Variants in PDCD1 observed in about 807,000 individuals in gnomAD.
PDCD1 encodes programmed cell death 1, also known as programmed cell death protein 1.
In PDCD1, 10 loss-of-function variants were observed where a neutral mutation model predicts 23.6. The observed-to-expected ratio is 0.42, with a 90% confidence interval of 0.26 to 0.72. PDCD1 has a LOEUF of 0.72. PDCD1 is among the 30% of genes least tolerant of loss of function. The pLI, the probability that PDCD1 is intolerant of heterozygous loss-of-function variation, is 0.24. For missense variants in PDCD1, 313 were observed against 397.8 expected, an observed-to-expected ratio of 0.79 and a Z score of 1.81; for synonymous variants, 168 against 169.3, an observed-to-expected ratio of 0.99 and a Z score of 0.06.
At chr2:241,856,324 G>A (rs373102179) in intron 1 of PDCD1, among the ~76,000 whole-genome samples, 1 of 152,344 alleles carries the variant, frequency 6.6e-6, no homozygotes, top group South Asian at 2.1e-4. Context: ...GCCCTCAGTC[G>A]GCGAGAGGGC....
At chr2:241,852,007 C>T in intron 3 of PDCD1, 24 bp from the exon 4 acceptor site, 1 of 1,611,250 alleles carries the variant, frequency 6.2e-7, no homozygotes, top group Non-Finnish European at 8.5e-7. Context: ...CACTTGGGGT[C>T]ACCAGGCCGA....
intron 1 of PDCD1, among the ~76,000 whole-genome samples, chr2:241,856,207 A>AC (rs1328220121): frequency 1.3e-5 from 2 of 151,502 alleles, no homozygotes; most frequent in African/African-American, 4.9e-5. Context: ...CCAGCCCCCC[A>AC]CGGCGGGAGG....
chr2:241,852,182 G>T lies in PDCD1; in HGVS notation c.592+16C>A. ...GGGTTAGGGCAGGGCAGGCCGAGGG[G>T]CTGGGATGACGTTACCTCGTGCGGC... On this transcript the variant is annotated intron_variant, in intron 3 of 4. Coordinates refer to ENST00000334409, the MANE Select transcript of PDCD1 (RefSeq NM_005018.3). The T allele has an allele frequency of 1.2e-6, 2 of 1,605,060 alleles. No homozygotes were observed. Among genetic ancestry groups the T allele is most frequent in the Non-Finnish European group, 1.7e-6 (2 of 1,177,590 alleles).
At chr2:241,851,753 C>T (rs55645369) in intron 4 of PDCD1, among the ~76,000 whole-genome samples, 196 bp downstream of exon 4, 1 of 151,790 alleles carries the variant, frequency 6.6e-6, no homozygotes, top group African/African-American at 2.4e-5. Context: ...CGGGCACCCC[C>T]GGAGACCGCA....
intron 1 of PDCD1, among the ~76,000 whole-genome samples, chr2:241,853,512 C>CTGGGCAG (rs1234367500): frequency 1.4e-4 from 21 of 152,280 alleles, no homozygotes; most frequent in Non-Finnish European, 3.1e-4. Context: ...CATTGCTGCC[C>CTGGGCAG]TGGGCAGTGG....
chr2:241,854,000 C>A (rs571869072), intron 1 of PDCD1, among the ~76,000 whole-genome samples: 1 of 152,194 alleles, frequency 6.6e-6, no homozygotes, highest in Non-Finnish European at 1.5e-5. Context: ...CCGTGGCAGG[C>A]GGTGGTGATG....
chr2:241,850,867 G>T lies in PDCD1; in HGVS notation c.*191C>A. The T allele has an allele frequency of 1.5e-6, 1 of 679,402 alleles. No homozygotes were observed. The highest frequency in any genetic ancestry group is 2.5e-6 in the Non-Finnish European group (1 of 403,196). The allele number at this position is 679,402 out of a possible 1,614,324, so 42.1% of individuals were successfully genotyped here. Reference sequence around the variant, plus strand: ...CACCTGCTGCCTGGGCTCACTGTGGGCATTGAGACATGAGTCCTGTGGTGG... The same window carrying T: ...CACCTGCTGCCTGGGCTCACTGTGGTCATTGAGACATGAGTCCTGTGGTGG... On this transcript the variant is annotated 3_prime_UTR_variant, in exon 5 of 5. Transcript: ENST00000334409.
intron 1 of PDCD1, 85 bp downstream of exon 1, chr2:241,858,678 G>T: frequency 8.1e-7 from 1 of 1,232,856 alleles, no homozygotes; most frequent in Non-Finnish European, 1.2e-6. Flanking sequence ...GCCCGCCTCA[G>T]CACCCCCCGA....
At chr2:241,852,064 A>C in intron 3 of PDCD1, 81 bp from the exon 4 acceptor site, 1 of 1,254,964 alleles carries the variant, frequency 8.0e-7, no homozygotes, top group South Asian at 1.3e-5. Flanking sequence ...AGGGGCCTTC[A>C]TCAGGGACTT....
At chr2:241,857,192 T>C (rs41435650) in intron 1 of PDCD1, among the ~76,000 whole-genome samples, 12,976 of 152,200 alleles carry the variant, frequency 0.085, 1,688 homozygotes, top group East Asian at 0.55. Context: ...AAAAGAGGCA[T>C]CCTGGAATGA....
chr2:241,852,229 G>T lies in PDCD1; in HGVS notation c.561C>A (p.Val187=). 1 of 1,610,860 alleles carries T rather than the reference G, an allele frequency of 6.2e-7. No homozygotes were observed. The highest frequency in any genetic ancestry group is 8.5e-7 in the Non-Finnish European group (1 of 1,179,408). The change falls in exon 3 of 5, where the codon GTC becomes GTA. Residue 187 remains valine (V), a synonymous_variant. Transcript: ENST00000334409. The stretch of plus-strand genomic sequence containing the variant: ...CGGCCCGGGAGCAGATGACGGCCAG[G>T]ACCCAGACTAGCAGCACCAGGCTGC... ...LLGSLVLLVW[V]LAVICSRAAR... is the part of the protein sequence containing the mutation.
chr2:241,852,452 T>C, intron 2 of PDCD1, 99 bp from the exon 3 acceptor site: 4 of 1,138,358 alleles, frequency 3.5e-6, no homozygotes, highest in Non-Finnish European at 5.0e-6. Flanking sequence ...CTTCCAGAGC[T>C]AGAGGACAGA....
Position 241,852,201 on chromosome 2 carries a change from G to T in PDCD1, c.589C>A (p.Arg197=), listed in dbSNP as rs1282191832. The T allele has an allele frequency of 1.2e-6, 2 of 1,608,358 alleles. No individual in the cohort carries two copies. The highest frequency in any genetic ancestry group is 2.2e-5 in the East Asian group (1 of 44,672). Residue 197 remains arginine, a synonymous_variant, in exon 3 of 5, where the codon CGA becomes AGA. Coordinates refer to ENST00000334409, the MANE Select transcript of PDCD1 (RefSeq NM_005018.3). The stretch of plus-strand genomic sequence containing the variant: ...CGAGGGGCTGGGATGACGTTACCTC[G>T]TGCGGCCCGGGAGCAGATGACGGCC... ...VLAVICSRAA[R]GTIGARRTGQ... is the part of the protein sequence containing the mutation.
intron 4 of PDCD1, among the ~76,000 whole-genome samples, chr2:241,851,603 AG>A (rs1047279170): frequency 6.6e-6 from 1 of 152,200 alleles, no homozygotes; most frequent in African/African-American, 2.4e-5. Flanking sequence ...ACGCCCTCGC[AG>A]GTGGGCACAC....
chr2:241,857,692 G>C (rs935688769), intron 1 of PDCD1, among the ~76,000 whole-genome samples: 5 of 152,206 alleles, frequency 3.3e-5, no homozygotes, highest in African/African-American at 1.2e-4. Context: ...CTCAGGTGCC[G>C]GGGAGCAGGC....
In PDCD1 at chr2:241,851,216, G is replaced by T. The variant is rs1397792316; in HGVS notation, c.709C>A (p.Pro237Thr). 3 of 1,613,780 alleles carry T rather than the reference G, an allele frequency of 1.9e-6. No individual in the cohort carries two copies. The Admixed American group carries it at 5.0e-5, about 27-fold the overall frequency. ...DFQWREKTPE[P>T]PVPCVPEQTE... ...TGCTCAGGGACACAGGGCACGGGGGGCTCCGGGGTCTTCTCTCGCCACTGG... is the reference window on the plus strand; with the variant it reads ...TGCTCAGGGACACAGGGCACGGGGGTCTCCGGGGTCTTCTCTCGCCACTGG... Residue 237 changes from proline to threonine, a missense_variant, in exon 5 of 5, where the codon CCC (proline) becomes ACC (threonine). By Grantham distance (38) the Pro-to-Thr change is conservative. Around this residue, in one of 3 missense-constraint regions of PDCD1, gnomAD observed 158 missense variants for 177.5 expected, o/e 0.89. Coordinates refer to ENST00000334409, the MANE Select transcript of PDCD1 (RefSeq NM_005018.3).
In PDCD1 at chr2:241,852,231, C is replaced by T; in HGVS notation, c.559G>A (p.Val187Ile). The change falls in exon 3 of 5, where the codon GTC (valine) becomes ATC (isoleucine). Residue 187 changes from valine to isoleucine, a missense_variant. Val to Ile is a conservative substitution (Grantham distance 29). Coordinates refer to ENST00000334409, the MANE Select transcript of PDCD1 (RefSeq NM_005018.3). ...LLGSLVLLVW[V>I]LAVICSRAAR... ...GCCCGGGAGCAGATGACGGCCAGGA[C>T]CCAGACTAGCAGCACCAGGCTGCCC... 1 of 1,610,882 alleles carries T rather than the reference C, an allele frequency of 6.2e-7. No homozygotes were observed. The highest frequency in any genetic ancestry group is 2.2e-5 in the East Asian group (1 of 44,776).
intron 4 of PDCD1, 38 bp from the exon 5 acceptor site, chr2:241,851,335 C>T: frequency 1.9e-6 from 3 of 1,566,688 alleles, no homozygotes; most frequent in Non-Finnish European, 2.6e-6. Flanking sequence ...GCCCCACGGC[C>T]CACCGCAGGA....
intron 1 of PDCD1, among the ~76,000 whole-genome samples, chr2:241,855,770 G>A (rs887855293): frequency 2.2e-4 from 34 of 152,222 alleles, no homozygotes; most frequent in African/African-American, 8.0e-4. Context: ...ACCGTCCCAC[G>A]GGCTGTGCTG....
Sources: gnomAD v4.1 joint callset for allele counts (sites outside exome capture counted in the v4.1 genomes callset) on GRCh38, gnomAD v4.1.1 for gene constraint, gnomAD v4.1.1 regional missense constraint, MANE v1.5 for transcripts, NCBI Gene and HGNC (gene_info 2026-07-23, HGNC 2026-07-21) for gene names.